The following LRRC9 variants were observed in gnomAD, a reference collection of about 807,000 sequenced individuals.
The protein encoded by LRRC9 is leucine-rich repeat-containing protein 9.
LRRC9 carries 122 observed loss-of-function variants against 63.2 expected under a neutral mutation model. The observed-to-expected ratio is 1.93, with a 90% CI of 1.67 to 2.24. LRRC9 has a LOEUF of 2.24. Among genes scored for constraint, LRRC9 ranks in the 30% most tolerant of loss-of-function variants. The pLI, the probability that LRRC9 is intolerant of heterozygous loss-of-function variation, is 0.00. For missense variants in LRRC9, 1,071 were observed against 627.7 expected (o/e 1.71, Z -7.55); for synonymous variants, 366 against 213.1 (o/e 1.72, Z -6.25).
intron 17 of LRRC9, among the ~76,000 whole-genome samples, chr14:59,992,412 C>T (rs1485323431): frequency 1.3e-5 from 2 of 152,202 alleles, no homozygotes; most frequent in African/African-American, 2.4e-5. Flanking sequence ...CGCCTCTTCT[C>T]GTCCAAAGGA....
In LRRC9 at chr14:59,975,083, TGTA is replaced by T. The variant is rs1258054451; in HGVS notation, c.1639+378_1639+380del. On this transcript the variant is annotated intron_variant, in intron 13 of 31. Coordinates refer to ENST00000445360, the Ensembl canonical transcript of LRRC9. ...ACTAAACTATGTGTGTGTGTGTGTG[TGTA>T]GTGTATATATATATACATATATATA... is the stretch of plus-strand genomic sequence containing the variant. Among the ~76,000 whole-genome samples, 65 of 94,184 alleles carry T rather than the reference TGTA, an allele frequency of 6.9e-4. 15 individuals carry two copies. Among genetic ancestry groups the T allele is most frequent in the African/African-American group, 2.2e-3 (60 of 27,838 alleles). 61.8% of individuals were successfully genotyped at this position (94,184 alleles called of 152,430 possible).
intron 7 of LRRC9, among the ~76,000 whole-genome samples, chr14:59,939,256 G>T (rs1010953144): frequency 6.6e-6 from 1 of 151,914 alleles, no homozygotes; most frequent in East Asian, 1.9e-4. Context: ...ATTAAAGATG[G>T]TTTGTGATTC....
At chr14:59,998,579 A>C (rs560216119) in intron 18 of LRRC9, among the ~76,000 whole-genome samples, 3 of 152,214 alleles carry the variant, frequency 2.0e-5, no homozygotes, top group Admixed American at 2.0e-4. Flanking sequence ...TCAGCCTTTA[A>C]AAAGGAAACT....
intron 12 of LRRC9, 76 bp downstream of exon 12, chr14:59,967,289 C>A: frequency 2.0e-6 from 1 of 495,812 alleles, no homozygotes; most frequent in Non-Finnish European, 3.7e-6. Flanking sequence ...GCATGATTTC[C>A]CAATCCTTTT....
At chr14:60,043,745 GTTTTC>G (rs142691773) in intron 29 of LRRC9, among the ~76,000 whole-genome samples, 2,377 of 87,652 alleles carry the variant, frequency 0.027, 106 homozygotes, top group African/African-American at 0.099. Context: ...GTAGCCTGTA[GTTTTC>G]TTTTCCTTTT....
intron 1 of LRRC9, 79 bp from the exon 1 acceptor site, chr14:59,920,065 T>G (rs968230705): frequency 6.9e-6 from 1 of 144,620 alleles, no homozygotes; most frequent in Non-Finnish European, 1.5e-5. Context: ...TTTATCCCCC[T>G]CCCCGCCCCT....
rs746778925 is a variant in LRRC9, at chr14:60,058,427, C to T, written c.4276+405C>T. On this transcript the variant is annotated intron_variant, in intron 31 of 31. Transcript: ENST00000445360. The surrounding 1 kb of genome is among the most constrained non-coding windows in gnomAD (Gnocchi z 4.4). ...GAGATGTAAAAGCATAACAGAATCC[C>T]GGGGTACAAAGGATATTCTGCAGAG... Among the ~76,000 whole-genome samples the T allele has an allele frequency of 1.3e-5, 2 of 152,038 alleles. No homozygotes were observed. Among genetic ancestry groups the T allele is most frequent in the Admixed American group, 6.6e-5 (1 of 15,246 alleles).
chr14:60,006,979 C>A (rs889787614), intron 22 of LRRC9, among the ~76,000 whole-genome samples: 3 of 152,002 alleles, frequency 2.0e-5, no homozygotes, highest in African/African-American at 7.2e-5. Flanking sequence ...TTTGTTAATT[C>A]CCCCAAAAAA....
intron 6 of LRRC9, among the ~76,000 whole-genome samples, chr14:59,933,764 T>G (rs2139796004): frequency 6.6e-6 from 1 of 152,270 alleles, no homozygotes; most frequent in African/African-American, 2.4e-5. Flanking sequence ...GAGGATCTTC[T>G]GGGTAGCAGG....
chr14:60,018,492 C>T lies in LRRC9; in HGVS notation c.3426+13C>T. ...ACCTAATGTGAAGGTAAGTCATTCACAAATTTTTCTTTCTTTCAAGGTTTC... is the reference window on the plus strand; with the variant it reads ...ACCTAATGTGAAGGTAAGTCATTCATAAATTTTTCTTTCTTTCAAGGTTTC... On this transcript the variant is annotated intron_variant, in intron 25 of 31. Coordinates refer to ENST00000445360, the Ensembl canonical transcript of LRRC9. 1 of 682,292 alleles carries T rather than the reference C, an allele frequency of 1.5e-6. No homozygotes were observed. The highest frequency in any genetic ancestry group is 1.6e-5 in the South Asian group (1 of 63,686). The allele number at this position is 682,292 out of a possible 1,614,324, so 42.3% of individuals were successfully genotyped here.
At chr14:59,967,330 T>C in intron 12 of LRRC9, 117 bp downstream of exon 12, 1 of 465,886 alleles carries the variant, frequency 2.1e-6, no homozygotes. Flanking sequence ...TCTACTGCTG[T>C]TTCACAAAAA....
At chr14:60,001,586 A>C (rs1186417652) in intron 19 of LRRC9, among the ~76,000 whole-genome samples, 1 of 152,158 alleles carries the variant, frequency 6.6e-6, no homozygotes, top group African/African-American at 2.4e-5. Flanking sequence ...GGTGGACAAA[A>C]CATTTGAGAT....
chr14:60,020,576 T>C (rs1891043833), intron 26 of LRRC9, among the ~76,000 whole-genome samples: 1 of 151,962 alleles, frequency 6.6e-6, no homozygotes, highest in South Asian at 2.1e-4. Flanking sequence ...TGCAATACAA[T>C]TTTATAACAT....
intron 20 of LRRC9, 76 bp downstream of exon 20, chr14:60,002,176 C>T (rs2140210767): frequency 1.8e-6 from 1 of 559,454 alleles, no homozygotes; most frequent in South Asian, 2.4e-5. Context: ...GTCTGTGTAT[C>T]ATAAAGAGGG....
At chr14:59,920,709 A>T (rs1888699282) in intron 1 of LRRC9, among the ~76,000 whole-genome samples, 1 of 152,216 alleles carries the variant, frequency 6.6e-6, no homozygotes, top group Non-Finnish European at 1.5e-5. Flanking sequence ...GGGCAGAGAA[A>T]AAAAAAGTTT....
At position 59,938,529 on chromosome 14, in the gene LRRC9, A is replaced by T. The variant is rs1471657000; in HGVS notation, c.683A>T (p.Asp228Val). The change falls in exon 7 of 32, where the codon GAC becomes GTC. Residue 228 changes from aspartate (D) to valine (V), a missense_variant. Transcript: ENST00000445360. The surrounding 1 kb of genome is among the most constrained non-coding windows in gnomAD (Gnocchi z 4.2). Reference sequence around the variant, plus strand: ...CATTTGCCTTGCCTTCAAAGATTTGACACATTGGATGTGTCAGCAAAGCAA... The same window carrying T: ...CATTTGCCTTGCCTTCAAAGATTTGTCACATTGGATGTGTCAGCAAAGCAA... The T allele has an allele frequency of 1.4e-6, 1 of 697,402 alleles. No homozygotes were observed. Among genetic ancestry groups the T allele is most frequent in the Non-Finnish European group, 2.6e-6 (1 of 382,658 alleles). 43.2% of individuals were successfully genotyped at this position (697,402 alleles called of 1,614,324 possible). A position where few individuals can be genotyped will look rare whatever the true frequency, so the allele number is the denominator to read the frequency against.
exon 3 of LRRC9, chr14:59,928,484 G>A (rs982886754): frequency 3.0e-6 from 2 of 656,956 alleles, no homozygotes; most frequent in Admixed American, 5.0e-5. Context: ...GTGCTGCATA[G>A]AGGTAAGTGT....
chr14:60,040,143 G>T (rs1892820181), intron 29 of LRRC9, among the ~76,000 whole-genome samples: 1 of 151,872 alleles, frequency 6.6e-6, no homozygotes, highest in Admixed American at 6.6e-5. Flanking sequence ...TATAATTTCT[G>T]TTCTTTTATA....
chr14:60,006,675 T>G (rs577767907), intron 22 of LRRC9, 58 bp downstream of exon 22: 1 of 546,484 alleles, frequency 1.8e-6, no homozygotes, highest in Non-Finnish European at 3.2e-6. Flanking sequence ...CTTTATATTA[T>G]GAAAGTAATG....
Sources: allele counts gnomAD v4.1 joint callset (sites outside exome capture counted in the v4.1 genomes callset), GRCh38; gene constraint gnomAD v4.1.1; non-coding constraint Gnocchi (gnomAD v3.1); transcripts MANE v1.5; gene names NCBI Gene and HGNC (gene_info 2026-07-23, HGNC 2026-07-21).